The following PPM1L variants were observed in gnomAD, a reference collection of about 807,000 sequenced individuals.
PPM1L encodes the protein protein phosphatase 1L.
A neutral mutation model predicts 31.4 loss-of-function variants in PPM1L; 13 were observed. The ratio of observed to expected loss-of-function variants is 0.41; its 90% CI spans 0.27 to 0.66. PPM1L has a LOEUF of 0.66. PPM1L is among the 30% of genes least tolerant of loss of function. The pLI, the probability that PPM1L is intolerant of heterozygous loss-of-function variation, is 0.29. For missense variants in PPM1L, 326 were observed against 453.7 expected, an observed-to-expected ratio of 0.72 and a Z score of 2.56; for synonymous variants, 184 against 175.4, an observed-to-expected ratio of 1.05 and a Z score of -0.39.
chr3:160,852,781 C>G (rs1163907277), intron 1 of PPM1L, among the ~76,000 whole-genome samples: 1 of 152,184 alleles, frequency 6.6e-6, no homozygotes, highest in African/African-American at 2.4e-5. Flanking sequence ...AGGTCATTTA[C>G]TGTAGAATTT....
rs553563520 is a variant in PPM1L, at chr3:160,777,752, C to T, written c.399+21045C>T. ...TGTGTATATACCACATTTTGTTTAT[C>T]CATTCATTCATTCATTGATAGATAT... On this transcript the variant is annotated intron_variant, in intron 1 of 3. Coordinates refer to ENST00000498165, the MANE Select transcript of PPM1L (RefSeq NM_139245.4). Among the ~76,000 whole-genome samples, 293 of 152,080 alleles carry T rather than the reference C, an allele frequency of 1.9e-3. 1 individual carries two copies. The highest frequency in any genetic ancestry group is 0.014 in the Middle Eastern group (4 of 292).
At chr3:160,832,421 T>C (rs901649350) in intron 1 of PPM1L, among the ~76,000 whole-genome samples, 2 of 152,150 alleles carry the variant, frequency 1.3e-5, no homozygotes, top group African/African-American at 4.8e-5. Flanking sequence ...TGGTATACTC[T>C]TGGAGTTATG....
chr3:160,989,274 G>A (rs1717056541), intron 2 of PPM1L, among the ~76,000 whole-genome samples: 1 of 152,096 alleles, frequency 6.6e-6, no homozygotes, highest in Admixed American at 6.5e-5. Flanking sequence ...TTCCTCTGCA[G>A]TGGGAAGTTT....
intron 2 of PPM1L, among the ~76,000 whole-genome samples, chr3:160,978,157 G>A (rs1030034168): frequency 5.3e-5 from 8 of 152,164 alleles, no homozygotes; most frequent in Non-Finnish European, 1.0e-4. Context: ...TACCTTCTAA[G>A]GTAGCTTGTG....
chr3:160,899,385 ATGAAG>A (rs1379522084), intron 1 of PPM1L, among the ~76,000 whole-genome samples: 3 of 152,158 alleles, frequency 2.0e-5, no homozygotes, highest in African/African-American at 7.2e-5. Flanking sequence ...TAAATGTGAA[ATGAAG>A]TGATTTTGAA....
rs1241778712 is a variant in PPM1L, at chr3:160,954,933, TTCCTTCCTTCCTTCCTTCCTTCC to T, written c.400-6801_400-6779del. ...CTTCCTTCCTTCCTTCTTTCCTTCC[TTCCTTCCTTCCTTCCTTCCTTCC>T]TTCCTTTCCTTTCCTTTCCTTTCCT... On this transcript the variant is annotated intron_variant, in intron 1 of 3. Coordinates refer to ENST00000498165, the MANE Select transcript of PPM1L (RefSeq NM_139245.4). Among the ~76,000 whole-genome samples the T allele has an allele frequency of 2.1e-4, 9 of 42,712 alleles. No individual in the cohort carries two copies. The East Asian group carries it at 2.8e-3, about 13-fold the overall frequency. The allele number at this position is 42,712 out of a possible 152,430, so 28.0% of individuals were successfully genotyped here.
chr3:161,011,827 T>C (rs183918072), intron 2 of PPM1L, among the ~76,000 whole-genome samples: 1 of 152,302 alleles, frequency 6.6e-6, no homozygotes, highest in East Asian at 1.9e-4. Flanking sequence ...TTGTCTGTTG[T>C]TGGTGTATAA....
intron 1 of PPM1L, among the ~76,000 whole-genome samples, chr3:160,833,729 GT>G (rs2108099187): frequency 6.6e-6 from 1 of 151,810 alleles, no homozygotes; most frequent in African/African-American, 2.4e-5. Context: ...TAGGTTTCCT[GT>G]TTGCTCTGAT....
intron 1 of PPM1L, among the ~76,000 whole-genome samples, chr3:160,960,060 A>C (rs972462771): frequency 6.6e-6 from 1 of 152,038 alleles, no homozygotes; most frequent in African/African-American, 2.4e-5. Flanking sequence ...TGGTCAGTAC[A>C]TATAGTCCTA....
intron 2 of PPM1L, among the ~76,000 whole-genome samples, chr3:161,058,326 T>C (rs141010067): frequency 0.017 from 2,605 of 151,448 alleles, 87 homozygotes; most frequent in African/African-American, 0.06. Context: ...GGTTTCACCA[T>C]GTTGGCCAGG....
intron 1 of PPM1L, among the ~76,000 whole-genome samples, chr3:160,838,827 GT>G (rs1390817407): frequency 6.6e-6 from 1 of 152,130 alleles, no homozygotes; most frequent in East Asian, 1.9e-4. Context: ...GGTCTTGGGG[GT>G]TAAAAACAGG....
chr3:160,764,164 CT>C (rs1715042523), intron 1 of PPM1L, among the ~76,000 whole-genome samples: 1 of 151,932 alleles, frequency 6.6e-6, no homozygotes, highest in African/African-American at 2.4e-5. Context: ...CAGGATCTGG[CT>C]TTGTTGCTGA....
intron 2 of PPM1L, among the ~76,000 whole-genome samples, chr3:161,046,958 T>C (rs888746209): frequency 2.0e-5 from 3 of 152,100 alleles, no homozygotes; most frequent in African/African-American, 7.2e-5. Context: ...TAAGAGCTAC[T>C]TATGACAAAC....
intron 2 of PPM1L, among the ~76,000 whole-genome samples, chr3:161,031,866 C>A (rs988276575): frequency 1.3e-5 from 2 of 152,084 alleles, no homozygotes; most frequent in Non-Finnish European, 2.9e-5. Flanking sequence ...ATTTAACTTA[C>A]CCGCTAATGA....
In PPM1L at chr3:161,065,501, A is replaced by G; in HGVS notation, c.673A>G (p.Ile225Val). Residue 225 changes from isoleucine (I) to valine (V), a missense_variant, in exon 3 of 4, where the codon ATT (isoleucine) becomes GTT (valine). Coordinates refer to ENST00000498165, the MANE Select transcript of PPM1L (RefSeq NM_139245.4). ...CCTGTGTGACAAAGATGGGAACGCTATTCCTTTGTCTCATGATCACAAGCC... is the reference window on the plus strand; with the variant it reads ...CCTGTGTGACAAAGATGGGAACGCTGTTCCTTTGTCTCATGATCACAAGCC... Reference protein sequence around the residue: ...GVLCDKDGNAIPLSHDHKPYQ... With the variant: ...GVLCDKDGNAVPLSHDHKPYQ... 6.2e-7 allele frequency: 1 copy of G among 1,614,056 alleles called. No homozygotes were observed. The highest frequency in any genetic ancestry group is 1.1e-5 in the South Asian group (1 of 91,078).
intron 1 of PPM1L, among the ~76,000 whole-genome samples, chr3:160,855,084 A>G (rs561904605): frequency 6.6e-6 from 1 of 152,286 alleles, no homozygotes; most frequent in East Asian, 1.9e-4. Context: ...ACCTACAACC[A>G]TATGATCTTC....
chr3:160,764,678 G>A (rs2108056943), intron 1 of PPM1L, among the ~76,000 whole-genome samples: 1 of 152,158 alleles, frequency 6.6e-6, no homozygotes, highest in Admixed American at 6.5e-5. Context: ...ATGTTGGCCA[G>A]GCTGGTCATG....
At chr3:161,033,020 T>C (rs1046402100) in intron 2 of PPM1L, among the ~76,000 whole-genome samples, 1 of 151,496 alleles carries the variant, frequency 6.6e-6, no homozygotes, top group Admixed American at 6.6e-5. Flanking sequence ...AAGTATTGGG[T>C]GTTAAGGGAT....
intron 2 of PPM1L, among the ~76,000 whole-genome samples, chr3:161,053,611 A>G (rs1719333949): frequency 1.3e-5 from 2 of 152,250 alleles, no homozygotes; most frequent in Admixed American, 1.3e-4. Context: ...TGAAAATTAA[A>G]TGAACACTCC....
Sources: allele counts gnomAD v4.1 joint callset (sites outside exome capture counted in the v4.1 genomes callset), GRCh38; gene constraint gnomAD v4.1.1; transcripts MANE v1.5; gene names NCBI Gene and HGNC (gene_info 2026-07-23, HGNC 2026-07-21).